SLC26A5: variants seen among roughly 807,000 people sequenced by gnomAD.
The protein encoded by SLC26A5 is prestin.
In SLC26A5, 51 loss-of-function variants were observed where a neutral mutation model predicts 81.0. The ratio of observed to expected loss-of-function variants is 0.63; its 90% CI spans 0.50 to 0.80. SLC26A5 has a LOEUF of 0.80. SLC26A5 is among the 30% of genes least tolerant of loss of function. SLC26A5 has a pLI of 0.00. For missense variants in SLC26A5, 771 were observed against 905.8 expected, an observed-to-expected ratio of 0.85 and a Z score of 1.91; for synonymous variants, 325 against 332.8, an observed-to-expected ratio of 0.98 and a Z score of 0.25.
At chr7:103,362,107 A>G (rs1437589864) in intron 19 of SLC26A5, 2 of 1,611,488 alleles carry the variant, frequency 1.2e-6, no homozygotes, top group African/African-American at 2.7e-5. Flanking sequence ...TCTATTTACA[A>G]TAAATACTTT....
intron 2 of SLC26A5, among the ~76,000 whole-genome samples, chr7:103,429,281 A>G (rs971323295): frequency 6.6e-6 from 1 of 152,248 alleles, no homozygotes; most frequent in Non-Finnish European, 1.5e-5. Flanking sequence ...TACTCAAAAT[A>G]ATTTACACAT....
At chr7:103,387,705 G>C (rs1397255002) in intron 14 of SLC26A5, among the ~76,000 whole-genome samples, 1 of 152,124 alleles carries the variant, frequency 6.6e-6, no homozygotes, top group Non-Finnish European at 1.5e-5. Flanking sequence ...TTTTGAGATG[G>C]AGTTTTGCTC....
At chr7:103,422,069 C>T (rs1331172641) in intron 2 of SLC26A5, among the ~76,000 whole-genome samples, 1 of 152,132 alleles carries the variant, frequency 6.6e-6, no homozygotes, top group African/African-American at 2.4e-5. Context: ...TTGCTGGTGA[C>T]CTTTGTGAAA....
At chr7:103,410,078 A>G (rs1455035546) in intron 7 of SLC26A5, among the ~76,000 whole-genome samples, 1 of 152,166 alleles carries the variant, frequency 6.6e-6, no homozygotes. Context: ...TTCCAAAAAG[A>G]TCATGATTTA....
intron 19 of SLC26A5, chr7:103,361,947 G>T: frequency 6.3e-7 from 1 of 1,591,814 alleles, no homozygotes; most frequent in African/African-American, 1.4e-5. Flanking sequence ...CAAGCTTTTT[G>T]CTGTGTTAGG....
chr7:103,381,741 C>T (rs1821812150), intron 14 of SLC26A5, among the ~76,000 whole-genome samples: 1 of 151,368 alleles, frequency 6.6e-6, no homozygotes, highest in Non-Finnish European at 1.5e-5. Flanking sequence ...ACACAATACA[C>T]ACACCACATA....
intron 2 of SLC26A5, among the ~76,000 whole-genome samples, chr7:103,427,476 C>T (rs543985477): frequency 1.3e-5 from 2 of 152,140 alleles, no homozygotes; most frequent in African/African-American, 4.8e-5. Context: ...GAGGCTTATC[C>T]AAAAATATTT....
intron 9 of SLC26A5, among the ~76,000 whole-genome samples, chr7:103,397,368 C>T (rs1293792466): frequency 2.6e-5 from 4 of 151,432 alleles, no homozygotes; most frequent in Admixed American, 6.6e-5. Flanking sequence ...GGTGAAACCC[C>T]GTCTCTATTA....
At chr7:103,364,432 A>G in intron 19 of SLC26A5, 1 of 1,074,032 alleles carries the variant, frequency 9.3e-7, no homozygotes, top group Admixed American at 2.3e-5. Context: ...TTGTTGAGAC[A>G]GAGTCTCATT....
chr7:103,443,479 C>A (rs138992877), intron 1 of SLC26A5, among the ~76,000 whole-genome samples: 2 of 152,262 alleles, frequency 1.3e-5, no homozygotes, highest in African/African-American at 4.8e-5. Context: ...TGTAGCAATT[C>A]ATGAATACAA....
chr7:103,395,783 T>A (rs1823063226), intron 9 of SLC26A5, among the ~76,000 whole-genome samples: 1 of 152,028 alleles, frequency 6.6e-6, no homozygotes, highest in Non-Finnish European at 1.5e-5. Context: ...CCTCCTAAAG[T>A]GCTGGGATTA....
chr7:103,399,707 G>T (rs1300134544), intron 8 of SLC26A5, among the ~76,000 whole-genome samples: 1 of 152,162 alleles, frequency 6.6e-6, no homozygotes, highest in Non-Finnish European at 1.5e-5. Flanking sequence ...TTCTCCTAAT[G>T]CTATCCCTCC....
In SLC26A5 at chr7:103,410,423, T is replaced by G. The variant is rs766530115; in HGVS notation, c.697A>C (p.Lys233Gln). The change falls in exon 7 of 20, where the codon AAA becomes CAA. Residue 233 changes from lysine to glutamine, a missense_variant. Physicochemically the swap from Lys to Gln is moderately conservative, Grantham distance 53. Transcript: ENST00000306312. ...TSMLKYLFGV[K>Q]TKRYSGIFSV... ...AAGATTCCACTGTACCGCTTTGTTTTAACTCCAAACAGATATTTTAACATG... is the reference window on the plus strand; with the variant it reads ...AAGATTCCACTGTACCGCTTTGTTTGAACTCCAAACAGATATTTTAACATG... 1.9e-6 allele frequency: 3 copies of G among 1,614,138 alleles called. No individual in the cohort carries two copies. In the South Asian group the frequency reaches 3.3e-5, roughly 18 times the overall value.
At chr7:103,379,692 G>A (rs1368362127) in intron 15 of SLC26A5, among the ~76,000 whole-genome samples, 1 of 152,136 alleles carries the variant, frequency 6.6e-6, no homozygotes, top group African/African-American at 2.4e-5. Context: ...GGAGATGGAA[G>A]GCTGCTGCCC....
chr7:103,441,032 C>T (rs1826837610), intron 2 of SLC26A5, among the ~76,000 whole-genome samples: 2 of 152,160 alleles, frequency 1.3e-5, no homozygotes, highest in African/African-American at 4.8e-5. Context: ...CCACATTTGT[C>T]AACATGGAGC....
In SLC26A5 at chr7:103,374,487, C is replaced by G; in HGVS notation, c.2147G>C (p.Arg716Thr). ...IHDAVLGSQL[R>T]EALAEQEASA... Reference sequence around the variant, plus strand: ...GGCTTCCTGTTCAGCAAGTGCCTCTCTAAGTTGGCTGCCTAAAACTGCATC... The same window carrying G: ...GGCTTCCTGTTCAGCAAGTGCCTCTGTAAGTTGGCTGCCTAAAACTGCATC... Residue 716 changes from arginine (R) to threonine (T), a missense_variant, in exon 20 of 20, where the codon AGA (arginine) becomes ACA (threonine). Transcript: ENST00000306312. The G allele has an allele frequency of 6.2e-7, 1 of 1,613,800 alleles. No homozygotes were observed. The highest frequency in any genetic ancestry group is 8.5e-7 in the Non-Finnish European group (1 of 1,180,014).
At chr7:103,358,081 A>G (rs1182234984) in intron 19 of SLC26A5, among the ~76,000 whole-genome samples, 2 of 152,124 alleles carry the variant, frequency 1.3e-5, no homozygotes, top group Non-Finnish European at 2.9e-5. Flanking sequence ...AGCTTCTTGG[A>G]AAAGGGTCAG....
intron 14 of SLC26A5, 99 bp from the exon 15 acceptor site, chr7:103,380,648 C>T (rs1455993371): frequency 1.9e-6 from 2 of 1,069,876 alleles, no homozygotes; most frequent in African/African-American, 1.6e-5. Flanking sequence ...TTTGCTGGTG[C>T]ATTTGGGAAT....
chr7:103,388,467 C>T lies in SLC26A5; in HGVS notation c.1514+541G>A, dbSNP rs192577939. On this transcript the variant is annotated intron_variant, in intron 14 of 19. Coordinates refer to ENST00000306312, the MANE Select transcript of SLC26A5 (RefSeq NM_198999.3). Reference sequence around the variant, plus strand: ...CCGCCTGCCTTGGCCTCTGAAAGTGCTGGGATTACAGGCGTGAGCCACTGC... The same window carrying T: ...CCGCCTGCCTTGGCCTCTGAAAGTGTTGGGATTACAGGCGTGAGCCACTGC... 536 of 181,108 alleles carry T rather than the reference C, an allele frequency of 3.0e-3. 4 individuals carry two copies. The highest frequency in any genetic ancestry group is 0.012 in the African/African-American group (491 of 42,356). 11.2% of individuals were successfully genotyped at this position (181,108 alleles called of 1,614,324 possible).
Sources: allele counts gnomAD v4.1 joint callset (sites outside exome capture counted in the v4.1 genomes callset), GRCh38; gene constraint gnomAD v4.1.1; transcripts MANE v1.5; gene names NCBI Gene and HGNC (gene_info 2026-07-23, HGNC 2026-07-21).